SAFB: variants seen among roughly 807,000 people sequenced by gnomAD.
SAFB encodes scaffold attachment factor B.
In SAFB, 15 loss-of-function variants were observed where a neutral mutation model predicts 101.6. The observed-to-expected ratio is 0.15, with a 90% CI of 0.10 to 0.23. SAFB has a LOEUF of 0.23. Ranked by LOEUF, SAFB falls within the 10% of genes least tolerant of loss-of-function variation. The probability of loss-of-function intolerance (pLI) is 1.00; values close to 1 mark genes in which losing one functional copy is unlikely to be tolerated. For synonymous variants in SAFB, 449 were observed against 407.5 expected (o/e 1.10, Z -1.23); for missense variants, 930 against 1,104.1 (o/e 0.84, Z 2.23).
At chr19:5,628,223 C>G (rs2053411244) in intron 2 of SAFB, among the ~76,000 whole-genome samples, 1 of 152,116 alleles carries the variant, frequency 6.6e-6, no homozygotes, top group African/African-American at 2.4e-5. Context: ...TGCACTCCAG[C>G]CTGGGCGACC....
chr19:5,651,495 G>C (rs1277183086), intron 9 of SAFB, among the ~76,000 whole-genome samples: 1 of 152,174 alleles, frequency 6.6e-6, no homozygotes, highest in Non-Finnish European at 1.5e-5. Context: ...TCCTCACCAC[G>C]GGTGTCTTGG....
At chr19:5,640,480 C>G (rs57151568) in intron 2 of SAFB, among the ~76,000 whole-genome samples, 5,701 of 151,266 alleles carry the variant, frequency 0.038, 385 homozygotes, top group African/African-American at 0.13. Context: ...ATTCTCCTGC[C>G]TCAGCCTCCC....
At chr19:5,653,572 TCTC>T (rs896514171) in intron 11 of SAFB, 152 bp downstream of exon 11, 2 of 665,214 alleles carry the variant, frequency 3.0e-6, no homozygotes, top group Non-Finnish European at 5.3e-6. Context: ...TTCAAGCAAT[TCTC>T]CTGCCTCAGC....
chr19:5,654,493 T>TA (rs1438707326), intron 13 of SAFB, 37 bp downstream of exon 13: 1 of 1,216,326 alleles, frequency 8.2e-7, no homozygotes, highest in Non-Finnish European at 1.2e-6. Context: ...ATTTTGCTCT[T>TA]CTTTTCAGTT....
intron 6 of SAFB, chr19:5,648,290 T>G (rs1459894373): frequency 3.9e-6 from 2 of 517,494 alleles, no homozygotes; most frequent in Admixed American, 3.8e-5. Flanking sequence ...TCATGCCTTT[T>G]TGAATATCAA....
At chr19:5,657,740 G>C (rs1280240207) in intron 14 of SAFB, among the ~76,000 whole-genome samples, 1 of 151,950 alleles carries the variant, frequency 6.6e-6, no homozygotes, top group Admixed American at 6.6e-5. Context: ...GGCTAGGCTG[G>C]TCTGAAACTC....
intron 8 of SAFB, 55 bp downstream of exon 8, chr19:5,650,030 C>A: frequency 7.2e-7 from 1 of 1,396,466 alleles, no homozygotes; most frequent in Non-Finnish European, 1.0e-6. Context: ...TGGGCAGTGG[C>A]GGGTATTTGA....
In SAFB at chr19:5,668,328, G is replaced by T; in HGVS notation, c.*37G>T. 1 of 1,598,444 alleles carries T rather than the reference G, an allele frequency of 6.3e-7. No homozygotes were observed. Among genetic ancestry groups the T allele is most frequent in the South Asian group, 1.1e-5 (1 of 88,932 alleles). Reference sequence around the variant, plus strand: ...CCTGTGTCCTGTCTCGTGGCAACAAGGCTATGTTCTGTTAGGAGTTACCTT... The same window carrying T: ...CCTGTGTCCTGTCTCGTGGCAACAATGCTATGTTCTGTTAGGAGTTACCTT... On this transcript the variant is annotated 3_prime_UTR_variant, in exon 21 of 21. Coordinates refer to ENST00000588852, the MANE Select transcript of SAFB (RefSeq NM_001201338.2).
Position 5,626,386 on chromosome 19 carries a change from A to ACTTT in SAFB, c.190-18_190-15dup, listed in dbSNP as rs773848666. The ACTTT allele has an allele frequency of 4.5e-4, 672 of 1,478,992 alleles. 3 individuals carry two copies. Among genetic ancestry groups the ACTTT allele is most frequent in the South Asian group, 8.5e-4 (75 of 88,248 alleles). The allele number at this position is 1,478,992 out of a possible 1,614,324, so 91.6% of individuals were successfully genotyped here. A position where few individuals can be genotyped will look rare whatever the true frequency, so the allele number is the denominator to read the frequency against. On this transcript the variant is annotated intron_variant, in intron 1 of 20. Coordinates refer to ENST00000588852, the MANE Select transcript of SAFB (RefSeq NM_001201338.2). ...TGAGCTGACTTTTTGGATCAACTTT[A>ACTTT]CTTTTCCCTTCTTTTTAGGCAATTG... is the stretch of plus-strand genomic sequence containing the variant.
chr19:5,633,631 T>G (rs2145410263), intron 2 of SAFB, among the ~76,000 whole-genome samples: 1 of 151,932 alleles, frequency 6.6e-6, no homozygotes, highest in South Asian at 2.1e-4. Context: ...TACAAAAAAT[T>G]AGGCAGGCGT....
chr19:5,629,901 G>A (rs1201696774), intron 2 of SAFB, among the ~76,000 whole-genome samples: 1 of 152,060 alleles, frequency 6.6e-6, no homozygotes, highest in East Asian at 2.0e-4. Context: ...AATTTGCCAG[G>A]TGTGGTGGTG....
rs767806904 is a variant in SAFB, at chr19:5,623,337, G to A, written c.132G>A (p.Arg44=). The change falls in exon 1 of 21, where the codon AGG becomes AGA. Residue 44 remains arginine (R), a synonymous_variant. Coordinates refer to ENST00000588852, the MANE Select transcript of SAFB (RefSeq NM_001201338.2). ...TGATCGATCTGCGGGCGGAGCTGAGGAAACGGAATGTGGACTCGAGCGGCA... is the reference window on the plus strand; with the variant it reads ...TGATCGATCTGCGGGCGGAGCTGAGAAAACGGAATGTGGACTCGAGCGGCA... The part of the protein sequence containing the change: ...LRVIDLRAEL[R]KRNVDSSGNK... 1.2e-6 allele frequency: 2 copies of A among 1,614,080 alleles called. No individual in the cohort carries two copies. Among genetic ancestry groups the A allele is most frequent in the Admixed American group, 1.7e-5 (1 of 60,032 alleles).
At position 5,654,115 on chromosome 19, in the gene SAFB, G is replaced by T; in HGVS notation, c.1581G>T (p.Lys527Asn). 6.8e-6 allele frequency: 11 copies of T among 1,614,092 alleles called. No individual in the cohort carries two copies. Among genetic ancestry groups the T allele is most frequent in the Non-Finnish European group, 9.3e-6 (11 of 1,179,936 alleles). ...DKCDRKDDAKKGDDGSGEKSK... is the reference protein window; with the variant it reads ...DKCDRKDDAKNGDDGSGEKSK... ...GTGACAGAAAAGATGATGCTAAGAAGGGTGACGACGGAAGTGGAGAAAAGA... is the reference window on the plus strand; with the variant it reads ...GTGACAGAAAAGATGATGCTAAGAATGGTGACGACGGAAGTGGAGAAAAGA... The change falls in exon 12 of 21, where the codon AAG becomes AAT. Residue 527 changes from lysine to asparagine, a missense_variant. Lys to Asn is a moderately conservative substitution (Grantham distance 94). Coordinates refer to ENST00000588852, the MANE Select transcript of SAFB (RefSeq NM_001201338.2).
intron 13 of SAFB, among the ~76,000 whole-genome samples, chr19:5,654,749 T>G (rs1180510456): frequency 1.3e-5 from 2 of 152,094 alleles, no homozygotes; most frequent in Non-Finnish European, 2.9e-5. Flanking sequence ...ATCTTTTTAG[T>G]AGAAACAAGG....
intron 2 of SAFB, among the ~76,000 whole-genome samples, chr19:5,629,498 G>A (rs2053442610): frequency 6.6e-6 from 1 of 151,926 alleles, no homozygotes; most frequent in Non-Finnish European, 1.5e-5. Context: ...CCGTGATCTT[G>A]CTATACAAAA....
In SAFB at chr19:5,653,420, G is replaced by T; in HGVS notation, c.1526G>T (p.Arg509Ile). ...GKKEKSSNSD[R>I]STNLKRDDKC... ...AAGGAGAAGTCGAGCAACAGTGACA[G>T]GTACCCCTCCTTCCTGGCTAAATTA... is the stretch of plus-strand genomic sequence containing the variant. The change falls in exon 11 of 21, where the codon AGA becomes ATA. Residue 509 changes from arginine (R) to isoleucine (I), a missense_variant and splice_region_variant. Coordinates refer to ENST00000588852, the MANE Select transcript of SAFB (RefSeq NM_001201338.2). 1 of 1,613,488 alleles carries T rather than the reference G, an allele frequency of 6.2e-7. No homozygotes were observed. Among genetic ancestry groups the T allele is most frequent in the Non-Finnish European group, 8.5e-7 (1 of 1,179,506 alleles).
At chr19:5,645,029 A>G (rs139439397) in intron 4 of SAFB, among the ~76,000 whole-genome samples, 7 of 152,350 alleles carry the variant, frequency 4.6e-5, no homozygotes. Context: ...AGATCCACTT[A>G]GAGGCTGTGC....
Position 5,667,329 on chromosome 19 carries a change from A to AGATGTCT in SAFB, c.2454-17_2454-11dup. 2 of 1,470,978 alleles carry AGATGTCT rather than the reference A, an allele frequency of 1.4e-6. No individual in the cohort carries two copies. Among genetic ancestry groups the AGATGTCT allele is most frequent in the Middle Eastern group, 3.5e-4 (2 of 5,664 alleles). The allele number at this position is 1,470,978 out of a possible 1,614,324, so 91.1% of individuals were successfully genotyped here. A position where few individuals can be genotyped will look rare whatever the true frequency, so the allele number is the denominator to read the frequency against. ...CAGAGATGGGGGCAATCCAAATCAGAGATGTCTCTCTTTCAAGGGGCAGAC... is the reference window on the plus strand; with the variant it reads ...CAGAGATGGGGGCAATCCAAATCAGAGATGTCTGATGTCTCTCTTTCAAGGGGCAGAC... On this transcript the variant is annotated splice_polypyrimidine_tract_variant and intron_variant, in intron 18 of 20. Coordinates refer to ENST00000588852, the MANE Select transcript of SAFB (RefSeq NM_001201338.2). The surrounding 1 kb of genome is among the most constrained non-coding windows in gnomAD (Gnocchi z 4.0).
chr19:5,633,225 A>G (rs1011261135), intron 2 of SAFB, among the ~76,000 whole-genome samples: 8 of 152,212 alleles, frequency 5.3e-5, no homozygotes, highest in Non-Finnish European at 1.2e-4. Flanking sequence ...GCCCTCATTT[A>G]TCTGTGTGAA....
Sources: gnomAD v4.1 joint callset for allele counts (sites outside exome capture counted in the v4.1 genomes callset) on GRCh38, gnomAD v4.1.1 for gene constraint, Gnocchi (gnomAD v3.1) non-coding constraint, MANE v1.5 for transcripts, NCBI Gene and HGNC (gene_info 2026-07-23, HGNC 2026-07-21) for gene names.